The following PPAT variants were observed in gnomAD, a reference collection of about 807,000 sequenced individuals.
The protein encoded by PPAT is phosphoribosyl pyrophosphate amidotransferase, also known as amidophosphoribosyltransferase.
A neutral mutation model predicts 60.2 loss-of-function variants in PPAT; 20 were observed. That is an observed-to-expected ratio of 0.33 (90% CI 0.23 to 0.48). The LOEUF (loss-of-function observed/expected upper bound fraction) is 0.48, where lower values mean the gene tolerates loss of function less well. Among genes scored for constraint, PPAT ranks in the 20% least tolerant of loss-of-function variants. The pLI, the probability that PPAT is intolerant of heterozygous loss-of-function variation, is 0.99. For synonymous variants in PPAT, 194 were observed against 215.1 expected, an observed-to-expected ratio of 0.90 and a Z score of 0.86; for missense variants, 349 against 629.6, an observed-to-expected ratio of 0.55 and a Z score of 4.77.
intron 1 of PPAT, chr4:56,416,262 A>G (rs1234647181): frequency 6.4e-6 from 1 of 155,902 alleles, no homozygotes; most frequent in Non-Finnish European, 1.4e-5. Flanking sequence ...TCTATCACAA[A>G]TCTGTTTTCA....
At chr4:56,428,941 A>C in intron 1 of PPAT, 3 of 947,830 alleles carry the variant, frequency 3.2e-6, no homozygotes, top group Non-Finnish European at 3.8e-6. Context: ...TTATTTAAGA[A>C]TTATTTGAAG....
chr4:56,415,794 A>C (rs1468422447), intron 1 of PPAT, among the ~76,000 whole-genome samples: 1 of 152,074 alleles, frequency 6.6e-6, no homozygotes, highest in East Asian at 1.9e-4. Context: ...AAAAATTGTA[A>C]GGCTGGGCAC....
At chr4:56,434,214 C>A (rs1391328774) in intron 1 of PPAT, among the ~76,000 whole-genome samples, 3 of 152,140 alleles carry the variant, frequency 2.0e-5, no homozygotes. Flanking sequence ...AAACAAGGAA[C>A]ACACAAAATG....
At chr4:56,425,641 G>T (rs149217678) in intron 1 of PPAT, among the ~76,000 whole-genome samples, 343 of 152,280 alleles carry the variant, frequency 2.3e-3, no homozygotes, top group African/African-American at 7.7e-3. Flanking sequence ...CAGAGACAGA[G>T]GCATCTTTGT....
At chr4:56,421,235 C>G (rs1402068146) in intron 1 of PPAT, 1 of 155,100 alleles carries the variant, frequency 6.4e-6, no homozygotes, top group Non-Finnish European at 1.4e-5. Context: ...GCCTGATGAT[C>G]TGTCATTGTC....
chr4:56,423,972 T>C (rs1717169139), intron 1 of PPAT, among the ~76,000 whole-genome samples: 1 of 152,186 alleles, frequency 6.6e-6, no homozygotes. Context: ...TTATTTATCT[T>C]CAGGGAAAAA....
chr4:56,398,321 G>A (rs934194976), intron 9 of PPAT, among the ~76,000 whole-genome samples: 1 of 152,080 alleles, frequency 6.6e-6, no homozygotes, highest in African/African-American at 2.4e-5. Context: ...AGTGAGTTGA[G>A]ATGGTGCCAT....
chr4:56,399,106 A>T, intron 9 of PPAT, 73 bp downstream of exon 9: 1 of 1,311,840 alleles, frequency 7.6e-7, no homozygotes. Context: ...TTGATTCACT[A>T]CCCTGAATTG....
chr4:56,419,257 G>C (rs112718494), intron 1 of PPAT, among the ~76,000 whole-genome samples: 70 of 152,212 alleles, frequency 4.6e-4, no homozygotes, highest in African/African-American at 1.7e-3. Context: ...ATTTTCTTAA[G>C]TAATTACTGT....
intron 1 of PPAT, among the ~76,000 whole-genome samples, chr4:56,410,267 T>C (rs922687385): frequency 6.6e-6 from 1 of 152,244 alleles, no homozygotes; most frequent in Non-Finnish European, 1.5e-5. Flanking sequence ...CGGTTTTCTT[T>C]CCCTTTTGTC....
intron 1 of PPAT, among the ~76,000 whole-genome samples, chr4:56,432,808 G>T (rs1205323439): frequency 6.8e-6 from 1 of 146,100 alleles, no homozygotes; most frequent in Non-Finnish European, 1.5e-5. Context: ...AAAAAATCAA[G>T]AAGATAATAT....
intron 3 of PPAT, chr4:56,403,987 C>A: frequency 4.6e-6 from 2 of 432,710 alleles, no homozygotes; most frequent in South Asian, 1.7e-5. Flanking sequence ...TACCACTCAC[C>A]TCCTGCTGTG....
Position 56,396,776 on chromosome 4 carries a change from C to A in PPAT, c.1237-37G>T. 1 of 1,580,086 alleles carries A rather than the reference C, an allele frequency of 6.3e-7. No individual in the cohort carries two copies. The highest frequency in any genetic ancestry group is 1.2e-5 in the South Asian group (1 of 84,924). ...ATCATTGCACACAAGGTTTTTAAGACTATGCAAAATTCTTTCATTGTGCAA... is the reference window on the plus strand; with the variant it reads ...ATCATTGCACACAAGGTTTTTAAGAATATGCAAAATTCTTTCATTGTGCAA... On this transcript the variant is annotated intron_variant, in intron 9 of 10. Transcript: ENST00000264220. The surrounding 1 kb of genome is among the most constrained non-coding windows in gnomAD (Gnocchi z 4.6).
chr4:56,425,338 C>T (rs1193005348), intron 1 of PPAT: 2 of 340,816 alleles, frequency 5.9e-6, no homozygotes, highest in African/African-American at 4.5e-5. Flanking sequence ...TCATATGAAA[C>T]ACAATACTGA....
chr4:56,425,722 C>T (rs925242434), intron 1 of PPAT, among the ~76,000 whole-genome samples: 1 of 152,086 alleles, frequency 6.6e-6, no homozygotes, highest in South Asian at 2.1e-4. Context: ...CGAAAAAGAC[C>T]GACCATGTGA....
chr4:56,422,396 G>A (rs1717081828), intron 1 of PPAT: 1 of 151,604 alleles, frequency 6.6e-6, no homozygotes, highest in African/African-American at 2.4e-5. Context: ...GATTCAGTCA[G>A]TAATAAGTCA....
At chr4:56,399,157 G>A in intron 9 of PPAT, 22 bp downstream of exon 9, 10 of 1,566,538 alleles carry the variant, frequency 6.4e-6, no homozygotes, top group Non-Finnish European at 7.9e-6. Context: ...TATGCTTTAG[G>A]ATATGTTTTA....
In PPAT at chr4:56,412,968, A is replaced by T. The variant is rs547085811; in HGVS notation, c.129-5252T>A. ...CAAGATTAATCATGGTCTAAAATTA[A>T]ATATTACAATTAATGGTTCCATAAT... is the stretch of plus-strand genomic sequence containing the variant. On this transcript the variant is annotated intron_variant, in intron 1 of 10. Coordinates refer to ENST00000264220, the MANE Select transcript of PPAT (RefSeq NM_002703.5). 3.3e-5 allele frequency among the ~76,000 whole-genome samples: 5 copies of T among 151,980 alleles called. No individual in the cohort carries two copies. The South Asian group carries it at 1.0e-3, about 32-fold the overall frequency.
intron 1 of PPAT, among the ~76,000 whole-genome samples, chr4:56,417,565 G>C (rs1278690375): frequency 6.6e-6 from 1 of 152,106 alleles, no homozygotes. Context: ...GGGATCACTT[G>C]AGACCAGGAG....
Sources: allele counts gnomAD v4.1 joint callset (sites outside exome capture counted in the v4.1 genomes callset), GRCh38; gene constraint gnomAD v4.1.1; non-coding constraint Gnocchi (gnomAD v3.1); transcripts MANE v1.5; gene names NCBI Gene and HGNC (gene_info 2026-07-23, HGNC 2026-07-21).